The following SPAG17 variants were observed in gnomAD, a reference collection of about 807,000 sequenced individuals.
The protein encoded by SPAG17 is sperm-associated antigen 17.
In SPAG17, 169 loss-of-function variants were observed where a neutral mutation model predicts 273.6. That is an observed-to-expected ratio of 0.62 (90% CI 0.55 to 0.70). SPAG17 has a LOEUF of 0.70. Among genes scored for constraint, SPAG17 ranks in the 30% least tolerant of loss-of-function variants. The pLI is 0.00. For synonymous variants in SPAG17, 825 were observed against 873.2 expected, an observed-to-expected ratio of 0.94 and a Z score of 0.97; for missense variants, 2,557 against 2,627.8, an observed-to-expected ratio of 0.97 and a Z score of 0.59.
chr1:117,958,971 G>A, intron 48 of SPAG17: 1 of 1,613,888 alleles, frequency 6.2e-7, no homozygotes, highest in African/African-American at 1.3e-5. Flanking sequence ...AAAATTAAGG[G>A]AAACAACTAT....
chr1:117,959,655 ATTAG>A, intron 48 of SPAG17: 1 of 433,372 alleles, frequency 2.3e-6, no homozygotes, highest in Admixed American at 4.2e-5. Context: ...AAAATGCATT[ATTAG>A]TTTAAAAATC....
At chr1:118,071,266 C>CGAAAA (rs1440005371) in intron 17 of SPAG17, among the ~76,000 whole-genome samples, 1 of 151,526 alleles carries the variant, frequency 6.6e-6, no homozygotes, top group Non-Finnish European at 1.5e-5. Context: ...ACAAAAAAGA[C>CGAAAA]AAAAAATGAG....
chr1:117,962,062 C>T (rs1653170440), intron 48 of SPAG17: 1 of 151,386 alleles, frequency 6.6e-6, no homozygotes, highest in Non-Finnish European at 1.5e-5. Context: ...TATACATCAT[C>T]AATAATTACT....
At chr1:117,957,182 C>CTT in intron 48 of SPAG17, 5 of 1,611,522 alleles carry the variant, frequency 3.1e-6, no homozygotes, top group Non-Finnish European at 4.2e-6. Context: ...GCCGGTGCCT[C>CTT]TTCTTCCTCC....
chr1:118,019,230 A>G (rs1660272879), intron 28 of SPAG17, among the ~76,000 whole-genome samples: 1 of 152,102 alleles, frequency 6.6e-6, no homozygotes, highest in African/African-American at 2.4e-5. Context: ...CAGACACAGA[A>G]TCTAAAATGC....
chr1:118,037,587 T>C (rs1178120278), intron 23 of SPAG17, among the ~76,000 whole-genome samples: 1 of 152,186 alleles, frequency 6.6e-6, no homozygotes, highest in Non-Finnish European at 1.5e-5. Context: ...CACTTATTAG[T>C]GAGAAAATGC....
chr1:118,148,161 T>C (rs1198199477), intron 3 of SPAG17, among the ~76,000 whole-genome samples: 1 of 152,174 alleles, frequency 6.6e-6, no homozygotes, highest in Non-Finnish European at 1.5e-5. Context: ...CTTTGAGAAA[T>C]GGGATGTTGC....
chr1:117,988,122 G>C lies in SPAG17; in HGVS notation c.5604C>G (p.Phe1868Leu). Residue 1868 changes from phenylalanine to leucine, a missense_variant, in exon 39 of 49, where the codon TTC becomes TTG. Coordinates refer to ENST00000336338, the MANE Select transcript of SPAG17 (RefSeq NM_206996.4). Reference protein sequence around the residue: ...KCPPDTFGKDFFEKTWRHTAS... With the variant: ...KCPPDTFGKDLFEKTWRHTAS... ...TAGCTTACCTCCATGTCTTTTCAAA[G>C]AAATCTTTACCAAATGTGTCTGGTG... The C allele has an allele frequency of 6.2e-7, 1 of 1,605,734 alleles. No individual in the cohort carries two copies. The highest frequency in any genetic ancestry group is 8.5e-7 in the Non-Finnish European group (1 of 1,177,312).
Position 118,093,273 on chromosome 1 carries a change from C to A in SPAG17, c.1056G>T (p.Met352Ile), listed in dbSNP as rs373207664. 3.0e-5 allele frequency: 49 copies of A among 1,613,038 alleles called. No homozygotes were observed. Among genetic ancestry groups the A allele is most frequent in the Non-Finnish European group, 4.1e-5 (48 of 1,179,572 alleles). ...TDIFENIACL[M>I]YDILDWKRQH... ...GCCTTTTCCAATCCAGGATGTCATA[C>A]ATCAAGCAGGCAATATTTTCAAAAA... The change falls in exon 8 of 49, where the codon ATG (methionine) becomes ATT (isoleucine). Residue 352 changes from methionine to isoleucine, a missense_variant. By Grantham distance (10) the Met-to-Ile change is conservative (BLOSUM62 1). Coordinates refer to ENST00000336338, the MANE Select transcript of SPAG17 (RefSeq NM_206996.4).
At position 117,973,419 on chromosome 1, in the gene SPAG17, T is replaced by C; in HGVS notation, c.6141+6A>G. ...TGTGGGGAATTTGTTCCAATGTTTG[T>C]TTTACCTTTGCAAGAGGTTGAGACT... On this transcript the variant is annotated splice_donor_region_variant and intron_variant, in intron 44 of 48. Coordinates refer to ENST00000336338, the MANE Select transcript of SPAG17 (RefSeq NM_206996.4). The C allele has an allele frequency of 6.2e-7, 1 of 1,612,092 alleles. No homozygotes were observed. The highest frequency in any genetic ancestry group is 8.5e-7 in the Non-Finnish European group (1 of 1,178,954).
chr1:118,073,875 A>G lies in SPAG17; in HGVS notation c.2364T>C (p.Phe788=). Residue 788 remains phenylalanine (F), a synonymous_variant, in exon 17 of 49, where the codon TTT becomes TTC. Transcript: ENST00000336338. ...ATACCTGAAGCAGTACTTTCGGTTT[A>G]AAATGTTCAGTAAAACTCCAGTCCA... ...SLMDWSFTEH[F]KPKVLLQVLQ... is the part of the protein sequence containing the mutation. The G allele has an allele frequency of 6.3e-7, 1 of 1,582,890 alleles. No homozygotes were observed. Among genetic ancestry groups the G allele is most frequent in the Non-Finnish European group, 8.6e-7 (1 of 1,169,374 alleles).
At chr1:118,001,302 C>A (rs1658261955) in intron 32 of SPAG17, among the ~76,000 whole-genome samples, 1 of 152,162 alleles carries the variant, frequency 6.6e-6, no homozygotes, top group South Asian at 2.1e-4. Context: ...GTGTCTCTGC[C>A]AGGCTTTGAT....
rs1037800276 is a variant in SPAG17, at chr1:118,036,701, T to C, written c.3433+69A>G. ...ACATGTTATTGACAAGTGAGCAGACTGAGAATGGGCAGTGGCAGGGACCCT... is the reference window on the plus strand; with the variant it reads ...ACATGTTATTGACAAGTGAGCAGACCGAGAATGGGCAGTGGCAGGGACCCT... On this transcript the variant is annotated intron_variant, in intron 24 of 48. Coordinates refer to ENST00000336338, the MANE Select transcript of SPAG17 (RefSeq NM_206996.4). 19 of 1,001,566 alleles carry C rather than the reference T, an allele frequency of 1.9e-5. No homozygotes were observed. The Admixed American group carries it at 4.3e-4, about 23-fold the overall frequency. 62.0% of individuals were successfully genotyped at this position (1,001,566 alleles called of 1,614,324 possible).
Position 118,111,743 on chromosome 1 carries a change from C to T in SPAG17, c.447+3567G>A, listed in dbSNP as rs540006098. 2.0e-5 allele frequency among the ~76,000 whole-genome samples: 3 copies of T among 152,148 alleles called. No homozygotes were observed. In the South Asian group the frequency reaches 6.2e-4, roughly 32 times the overall value. ...GGCTTCATCATGATGTATTATCAAA[C>T]GTAGGCACTTTTAATTTTGAATTGT... On this transcript the variant is annotated intron_variant, in intron 4 of 48. Transcript: ENST00000336338.
chr1:118,027,168 T>C (rs1352406764), intron 26 of SPAG17, among the ~76,000 whole-genome samples: 1 of 152,166 alleles, frequency 6.6e-6, no homozygotes, highest in Non-Finnish European at 1.5e-5. Flanking sequence ...CAGTGAAGAC[T>C]GTCTGAGTGG....
At chr1:117,981,222 C>T in intron 43 of SPAG17, 48 bp downstream of exon 43, 2 of 1,519,098 alleles carry the variant, frequency 1.3e-6, no homozygotes, top group East Asian at 2.4e-5. Flanking sequence ...GCCAAAAAGA[C>T]ATAATGTTCA....
chr1:118,006,112 A>G (rs1014822851), intron 31 of SPAG17, among the ~76,000 whole-genome samples: 1 of 152,220 alleles, frequency 6.6e-6, no homozygotes, highest in African/African-American at 2.4e-5. Flanking sequence ...TTTCCGAAAT[A>G]TAATTTACAT....
chr1:118,030,180 G>T (rs1265284326), intron 25 of SPAG17, among the ~76,000 whole-genome samples: 1 of 152,120 alleles, frequency 6.6e-6, no homozygotes, highest in African/African-American at 2.4e-5. Flanking sequence ...GGCCTGGCAT[G>T]AGAAATTTTA....
At chr1:117,955,138 G>A (rs760079468) in intron 48 of SPAG17, 27 of 496,430 alleles carry the variant, frequency 5.4e-5, no homozygotes, top group Non-Finnish European at 8.5e-5. Flanking sequence ...GTAAGGGGCA[G>A]AGTTCAGTTG....
Sources: gnomAD v4.1 joint callset for allele counts (sites outside exome capture counted in the v4.1 genomes callset) on GRCh38, gnomAD v4.1.1 for gene constraint, MANE v1.5 for transcripts, NCBI Gene and HGNC (gene_info 2026-07-23, HGNC 2026-07-21) for gene names.